TCL1A: variants seen among roughly 807,000 people sequenced by gnomAD.
TCL1A encodes the protein TCL1 family AKT coactivator A.
TCL1A carries 9 observed loss-of-function variants against 16.9 expected under a neutral mutation model. The ratio of observed to expected loss-of-function variants is 0.53; its 90% CI spans 0.32 to 0.93. TCL1A has a LOEUF of 0.93. TCL1A is among the 40% of genes least tolerant of loss of function. The pLI is 0.04. For synonymous variants in TCL1A, 69 were observed against 63.2 expected, an observed-to-expected ratio of 1.09 and a Z score of -0.44; for missense variants, 139 against 153.0, an observed-to-expected ratio of 0.91 and a Z score of 0.48.
intron 1 of TCL1A, among the ~76,000 whole-genome samples, chr14:95,713,119 A>G (rs2139721942): frequency 6.6e-6 from 1 of 152,370 alleles, no homozygotes; most frequent in East Asian, 1.9e-4. Flanking sequence ...AGAGCCTAGA[A>G]TTCCAACCCC....
At position 95,713,946 on chromosome 14, in the gene TCL1A, C is replaced by T. The variant is rs560011205; in HGVS notation, c.120+1G>A. On this transcript the variant is annotated splice_donor_variant, in intron 1 of 3. Transcript: ENST00000402399. LOFTEE classifies it high-confidence loss of function. ...GCCATCCGCTCCAAAGCTGGCTGTA[C>T]CTCGATGGTTAAGGGCAGCCAGGCG... 2.5e-6 allele frequency: 4 copies of T among 1,613,552 alleles called. No homozygotes were observed. The highest frequency in any genetic ancestry group is 1.7e-6 in the Non-Finnish European group (2 of 1,180,006).
At chr14:95,711,682 AG>A (rs1886356899) in intron 3 of TCL1A, 66 bp downstream of exon 3, 1 of 1,568,016 alleles carries the variant, frequency 6.4e-7, no homozygotes, top group Admixed American at 1.8e-5. Context: ...TTCATGGAGA[AG>A]GGGTGGTCTT....
Position 95,714,094 on chromosome 14 carries a change from G to T in TCL1A, c.-28C>A. ...CGTCCTCGGGCCGCCTAAGAAGCAAGAGCCAGAGCCTCTCAAGGCCGCTCG... is the reference window on the plus strand; with the variant it reads ...CGTCCTCGGGCCGCCTAAGAAGCAATAGCCAGAGCCTCTCAAGGCCGCTCG... On this transcript the variant is annotated 5_prime_UTR_variant, in exon 1 of 4. Transcript: ENST00000402399. The T allele has an allele frequency of 6.2e-7, 1 of 1,611,716 alleles. No individual in the cohort carries two copies.
At chr14:95,713,570 T>C (rs569962364) in intron 1 of TCL1A, among the ~76,000 whole-genome samples, 1 of 152,284 alleles carries the variant, frequency 6.6e-6, no homozygotes, top group Non-Finnish European at 1.5e-5. Context: ...GGGTTCTTTT[T>C]AAAAATACAG....
intron 2 of TCL1A, chr14:95,712,017 G>A: frequency 1.2e-6 from 1 of 863,052 alleles, no homozygotes; most frequent in Non-Finnish European, 1.8e-6. Flanking sequence ...TGGCTGGGAG[G>A]AAGTGGAGGT....
intron 2 of TCL1A, 112 bp downstream of exon 2, chr14:95,712,108 A>AT (rs1364079013): frequency 7.4e-6 from 10 of 1,355,238 alleles, no homozygotes; most frequent in Middle Eastern, 2.1e-4. Context: ...CATTTCCCCC[A>AT]TTTTTTAATG....
At chr14:95,712,069 G>GT in intron 2 of TCL1A, 151 bp downstream of exon 2, 4 of 1,059,666 alleles carry the variant, frequency 3.8e-6, no homozygotes, top group South Asian at 1.5e-5. Flanking sequence ...CTTCTCTCTG[G>GT]TAAAGTCCTT....
chr14:95,713,830 TG>T, intron 1 of TCL1A, 116 bp downstream of exon 1: 1 of 1,485,062 alleles, frequency 6.7e-7, no homozygotes, highest in South Asian at 1.3e-5. Context: ...GCTTCATCTG[TG>T]GGGATCCTCC....
Position 95,713,052 on chromosome 14 carries a change from T to G in TCL1A, c.121-656A>C, listed in dbSNP as rs190539102. 6.4e-3 allele frequency among the ~76,000 whole-genome samples: 972 copies of G among 152,338 alleles called. 13 individuals carry two copies. The highest frequency in any genetic ancestry group is 9.7e-3 in the Non-Finnish European group (660 of 68,026). On this transcript the variant is annotated intron_variant, in intron 1 of 3. Coordinates refer to ENST00000402399, the MANE Select transcript of TCL1A (RefSeq NM_021966.3). Reference sequence around the variant, plus strand: ...TAAGTATTTAACTTGATTTTTAAAGTAAAAACATATTTAAAAAATTGAAAT... The same window carrying G: ...TAAGTATTTAACTTGATTTTTAAAGGAAAAACATATTTAAAAAATTGAAAT...
intron 3 of TCL1A, chr14:95,711,467 CAAA>C (rs1305960722): frequency 1.2e-3 from 305 of 252,082 alleles, no homozygotes; most frequent in South Asian, 1.9e-3. Flanking sequence ...AGACTCATCT[CAAA>C]AAAAAAAAAA....
At chr14:95,712,191 C>T (rs776131557) in intron 2 of TCL1A, 29 bp downstream of exon 2, 66 of 1,613,632 alleles carry the variant, frequency 4.1e-5, no homozygotes, top group Admixed American at 8.3e-5. Flanking sequence ...CAAGATCACC[C>T]GATGGACCTC....
At chr14:95,712,783 A>C (rs1044680026) in intron 1 of TCL1A, 1 of 698,174 alleles carries the variant, frequency 1.4e-6, no homozygotes, top group African/African-American at 1.9e-5. Context: ...ATCTACAGGA[A>C]AAAAAAAAAA....
At chr14:95,711,537 C>T in intron 3 of TCL1A, 1 of 561,576 alleles carries the variant, frequency 1.8e-6, no homozygotes, top group Non-Finnish European at 3.2e-6. Context: ...TAGATATGAG[C>T]AGCTGCGATA....
intron 1 of TCL1A, among the ~76,000 whole-genome samples, chr14:95,713,565 C>A (rs1886443819): frequency 6.6e-6 from 1 of 152,186 alleles, no homozygotes; most frequent in African/African-American, 2.4e-5. Flanking sequence ...GTTGAGGGTT[C>A]TTTTTAAAAA....
chr14:95,713,973 G>C lies in TCL1A; in HGVS notation c.94C>G (p.His32Asp), dbSNP rs774868084. ...EKFVYLDEKQ[H>D]AWLPLTIEIK... ...TCGATGGTTAAGGGCAGCCAGGCGT[G>C]CTGCTTCTCGTCCAAATACACGAAC... Residue 32 changes from histidine to aspartate, a missense_variant, in exon 1 of 4, where the codon CAC (histidine) becomes GAC (aspartate). Coordinates refer to ENST00000402399, the MANE Select transcript of TCL1A (RefSeq NM_021966.3). 6.2e-7 allele frequency: 1 copy of C among 1,614,054 alleles called. No homozygotes were observed. The highest frequency in any genetic ancestry group is 8.5e-7 in the Non-Finnish European group (1 of 1,180,030).
rs1163643091 is a variant in TCL1A at position 95,711,295 on chromosome 14, T to TAAA, written c.*7-417_*7-415dup. Among the ~76,000 whole-genome samples, 250 of 79,752 alleles carry TAAA rather than the reference T, an allele frequency of 3.1e-3. 1 individual carries two copies. The highest frequency in any genetic ancestry group is 9.8e-3 in the African/African-American group (202 of 20,692). 52.3% of individuals were successfully genotyped at this position (79,752 alleles called of 152,430 possible). ...TAACACGGTGAAACCCCGTCTCTAC[T>TAAA]AAAAAAAAAAAAAAAAAAAAAAAAT... On this transcript the variant is annotated intron_variant, in intron 3 of 3. Transcript: ENST00000402399.
chr14:95,711,186 G>A (rs565599302), intron 3 of TCL1A, among the ~76,000 whole-genome samples: 10 of 151,984 alleles, frequency 6.6e-5, no homozygotes, highest in Admixed American at 4.6e-4. Context: ...AAGGCCGGAC[G>A]TGGTGGCTCA....
intron 1 of TCL1A, chr14:95,712,778 C>T: frequency 2.8e-6 from 2 of 714,628 alleles, no homozygotes; most frequent in South Asian, 1.8e-5. Context: ...CCTGTATCTA[C>T]AGGAAAAAAA....
intron 1 of TCL1A, among the ~76,000 whole-genome samples, chr14:95,713,379 A>T (rs1886431187): frequency 6.6e-6 from 1 of 152,356 alleles, no homozygotes; most frequent in Admixed American, 6.5e-5. Flanking sequence ...AAAACTTAAC[A>T]TGGATTAAGG....
Sources: allele counts gnomAD v4.1 joint callset (sites outside exome capture counted in the v4.1 genomes callset), GRCh38; gene constraint gnomAD v4.1.1; transcripts MANE v1.5; gene names NCBI Gene and HGNC (gene_info 2026-07-23, HGNC 2026-07-21).